The following ADH7 variants were observed in gnomAD, a reference collection of about 807,000 sequenced individuals.
The protein encoded by ADH7 is alcohol dehydrogenase 7 (class IV), mu or sigma polypeptide.
Under a neutral mutation model 34.4 loss-of-function variants are expected in ADH7, and 41 were observed. The ratio of observed to expected loss-of-function variants is 1.19; its 90% CI spans 0.93 to 1.55. The LOEUF (loss-of-function observed/expected upper bound fraction) is 1.55. Among genes scored for constraint, ADH7 ranks in the 40% most tolerant of loss-of-function variants. The pLI is 0.00. For synonymous variants in ADH7, 180 were observed against 160.9 expected (o/e 1.12, Z -0.90); for missense variants, 540 against 461.2 (o/e 1.17, Z -1.56).
At chr4:99,415,302 T>TTTTA in intron 8 of ADH7, 176 bp downstream of exon 8, 1 of 684,228 alleles carries the variant, frequency 1.5e-6, no homozygotes, top group Non-Finnish European at 2.4e-6. Context: ...TTTTTTTTTT[T>TTTTA]TATAGTAGTA....
In ADH7 at chr4:99,428,492, C is replaced by G. The variant is rs778648317; in HGVS notation, c.259G>C (p.Gly87Arg). The G allele has an allele frequency of 1.9e-6, 3 of 1,610,780 alleles. No homozygotes were observed. The highest frequency in any genetic ancestry group is 2.7e-5 in the African/African-American group (2 of 74,722). The change falls in exon 3 of 9, where the codon GGT (glycine) becomes CGT (arginine). Residue 87 changes from glycine to arginine, a missense_variant and splice_region_variant. Coordinates refer to ENST00000437033, the MANE Select transcript of ADH7 (RefSeq NM_000673.7). Reference protein sequence around the residue: ...IGEGVTTVKPGDKVIPLFLPQ... With the variant: ...IGEGVTTVKPRDKVIPLFLPQ... Reference sequence around the variant, plus strand: ...CTTGTGGTTTGACACCTGCATATACCTGGTTTCACTGTAGTCACTCCTTCT... The same window carrying G: ...CTTGTGGTTTGACACCTGCATATACGTGGTTTCACTGTAGTCACTCCTTCT...
At chr4:99,432,776 C>T (rs901569369) in intron 1 of ADH7, 1 of 152,022 alleles carries the variant, frequency 6.6e-6, no homozygotes, top group African/African-American at 2.4e-5. Flanking sequence ...TGTTCTCACT[C>T]ATAAAAACGC....
chr4:99,419,269 CT>C, intron 6 of ADH7, 148 bp from the exon 7 acceptor site: 2 of 957,954 alleles, frequency 2.1e-6, no homozygotes, highest in Non-Finnish European at 3.0e-6. Context: ...TTCAGTGCAA[CT>C]TTAGTCCTTA....
intron 7 of ADH7, among the ~76,000 whole-genome samples, chr4:99,417,374 AC>A (rs1014226200): frequency 2.0e-5 from 3 of 152,006 alleles, no homozygotes; most frequent in African/African-American, 7.2e-5. Flanking sequence ...TCTTGCCAAC[AC>A]CCTGTTGTAT....
At chr4:99,414,683 GAGGTTTGACC>G (rs2110131841) in intron 8 of ADH7, among the ~76,000 whole-genome samples, 1 of 152,256 alleles carries the variant, frequency 6.6e-6, no homozygotes, top group Non-Finnish European at 1.5e-5. Context: ...ACTACCCCAG[GAGGTTTGACC>G]AGTTATTTAT....
rs1280665500 is a variant in ADH7, at chr4:99,419,116, A to G, written c.831T>C (p.Asp277=). ...EVIGHLETMI[D]ALASCHMNYG... is the part of the protein sequence containing the mutation. ...AGTTCATGTGGCAGGATGCCAGGGCATCAATCTGAGTTTAAAACGGAGGAG... is the reference window on the plus strand; with the variant it reads ...AGTTCATGTGGCAGGATGCCAGGGCGTCAATCTGAGTTTAAAACGGAGGAG... The change falls in exon 7 of 9, where the codon GAT becomes GAC. Residue 277 remains aspartate (D), a synonymous_variant. Coordinates refer to ENST00000437033, the MANE Select transcript of ADH7 (RefSeq NM_000673.7). 2 of 1,613,518 alleles carry G rather than the reference A, an allele frequency of 1.2e-6. No homozygotes were observed. The highest frequency in any genetic ancestry group is 1.7e-6 in the Non-Finnish European group (2 of 1,179,680).
At chr4:99,424,675 C>T (rs1348148974) in intron 5 of ADH7, among the ~76,000 whole-genome samples, 3 of 151,774 alleles carry the variant, frequency 2.0e-5, no homozygotes, top group Non-Finnish European at 4.4e-5. Context: ...ATTTGGCTCT[C>T]TGTTTGTTAT....
chr4:99,434,827 C>A (rs191643910), intron 1 of ADH7, among the ~76,000 whole-genome samples: 1 of 152,248 alleles, frequency 6.6e-6, no homozygotes, highest in Admixed American at 6.5e-5. Flanking sequence ...GGGCATGAGA[C>A]CCTGGTTTCC....
Position 99,420,717 on chromosome 4 carries a change from G to T in ADH7, c.641C>A (p.Ala214Asp). The T allele has an allele frequency of 6.2e-7, 1 of 1,613,930 alleles. No homozygotes were observed. The highest frequency in any genetic ancestry group is 1.3e-5 in the African/African-American group (1 of 75,006). ...GLSVIMGCKS[A>D]GASRIIGIDL... ...AATCCCAATGATCCTAGATGCACCAGCTGACTTACAGCCCATGATGACTGA... is the reference window on the plus strand; with the variant it reads ...AATCCCAATGATCCTAGATGCACCATCTGACTTACAGCCCATGATGACTGA... The change falls in exon 6 of 9, where the codon GCT (alanine) becomes GAT (aspartate). Residue 214 changes from alanine to aspartate, a missense_variant. Coordinates refer to ENST00000437033, the MANE Select transcript of ADH7 (RefSeq NM_000673.7).
At position 99,428,559 on chromosome 4, in the gene ADH7, C is replaced by T; in HGVS notation, c.192G>A (p.Val64=). Residue 64 remains valine, a synonymous_variant, in exon 3 of 9, where the codon GTG becomes GTA. Transcript: ENST00000437033. ...IKGTMVSKFP[V]IVGHEATGIV... ...TCCCAGTTGCCTCATGTCCCACAAT[C>T]ACTGGAAACTTGGACACCATTGTTC... is the stretch of plus-strand genomic sequence containing the variant. 6.2e-7 allele frequency: 1 copy of T among 1,613,978 alleles called. No homozygotes were observed. Among genetic ancestry groups the T allele is most frequent in the Non-Finnish European group, 8.5e-7 (1 of 1,179,906 alleles).
chr4:99,424,966 G>C (rs952082990), intron 5 of ADH7, among the ~76,000 whole-genome samples: 17 of 152,148 alleles, frequency 1.1e-4, no homozygotes, highest in African/African-American at 3.9e-4. Context: ...TTTTCAAAGG[G>C]AATGCTTCCA....
chr4:99,415,053 T>C (rs1721485236), intron 8 of ADH7, among the ~76,000 whole-genome samples: 1 of 152,196 alleles, frequency 6.6e-6, no homozygotes, highest in South Asian at 2.1e-4. Context: ...AATTGAATCA[T>C]GGGGCAGTTT....
At chr4:99,420,814 G>A (rs1176857877) in intron 5 of ADH7, 21 bp from the exon 6 acceptor site, 1 of 1,612,004 alleles carries the variant, frequency 6.2e-7, no homozygotes, top group Non-Finnish European at 8.5e-7. Context: ...GAATGTTCTT[G>A]AACATGTTAG....
intron 6 of ADH7, among the ~76,000 whole-genome samples, chr4:99,420,198 G>A (rs992216266): frequency 5.3e-5 from 8 of 152,154 alleles, no homozygotes; most frequent in African/African-American, 1.9e-4. Context: ...TTACTTTGCT[G>A]ACATTCAAGA....
At chr4:99,420,991 G>A (rs1721645279) in intron 5 of ADH7, among the ~76,000 whole-genome samples, 198 bp from the exon 6 acceptor site, 1 of 152,148 alleles carries the variant, frequency 6.6e-6, no homozygotes, top group Admixed American at 6.5e-5. Flanking sequence ...ACTGCTCAAG[G>A]AAATAAGAGA....
intron 5 of ADH7, among the ~76,000 whole-genome samples, chr4:99,421,903 G>C (rs1280171433): frequency 1.6e-4 from 25 of 152,090 alleles, no homozygotes. Flanking sequence ...TATGAAAAAA[G>C]CTCAACATCA....
intron 5 of ADH7, among the ~76,000 whole-genome samples, chr4:99,422,475 G>A (rs745765870): frequency 6.6e-6 from 1 of 152,142 alleles, no homozygotes; most frequent in Non-Finnish European, 1.5e-5. Flanking sequence ...GACACAGAGA[G>A]GGGAACAACA....
In ADH7 at chr4:99,435,341, C is replaced by T; in HGVS notation, c.-108G>A. On this transcript the variant is annotated 5_prime_UTR_variant, in exon 1 of 9. Transcript: ENST00000437033. ...CAGCTTGTGCCTTCACATAGATAGT[C>T]TGGCTTCAGAGTTCCACCTTCAGCA... 6.7e-7 allele frequency: 1 copy of T among 1,489,702 alleles called. No homozygotes were observed. The highest frequency in any genetic ancestry group is 9.3e-7 in the Non-Finnish European group (1 of 1,079,258). 92.3% of individuals were successfully genotyped at this position (1,489,702 alleles called of 1,614,324 possible).
At chr4:99,422,591 C>T (rs1047465440) in intron 5 of ADH7, among the ~76,000 whole-genome samples, 1 of 152,056 alleles carries the variant, frequency 6.6e-6, no homozygotes, top group Non-Finnish European at 1.5e-5. Context: ...TGTAACAAAC[C>T]TGCACGCTCT....
Sources: gnomAD v4.1 joint callset for allele counts (sites outside exome capture counted in the v4.1 genomes callset) on GRCh38, gnomAD v4.1.1 for gene constraint, MANE v1.5 for transcripts, NCBI Gene and HGNC (gene_info 2026-07-23, HGNC 2026-07-21) for gene names.